The following OTUB2 variants were observed in gnomAD, a reference collection of about 807,000 sequenced individuals.
OTUB2 encodes OTU deubiquitinase, ubiquitin aldehyde binding 2, also known as ubiquitin thioesterase OTUB2.
A neutral mutation model predicts 25.1 loss-of-function variants in OTUB2; 21 were observed. The ratio of observed to expected loss-of-function variants is 0.84; its 90% CI spans 0.59 to 1.21. The LOEUF is 1.21. Among genes scored for constraint, OTUB2 ranks in the 50% most tolerant of loss-of-function variants. The pLI is 0.00. For synonymous variants in OTUB2, 122 were observed against 122.8 expected, an observed-to-expected ratio of 0.99 and a Z score of 0.04; for missense variants, 283 against 298.0, an observed-to-expected ratio of 0.95 and a Z score of 0.37.
Position 94,046,182 on chromosome 14 carries a change from G to C in OTUB2, c.*260G>C, listed in dbSNP as rs957509760. On this transcript the variant is annotated 3_prime_UTR_variant, in exon 6 of 6. Transcript: ENST00000203664. ...CACCCCAGTTCGCAGTGAGGCCCTG[G>C]GTGGGTCACCTGCCCTCTCTGGACT... The C allele has an allele frequency of 3.3e-5, 19 of 568,146 alleles. No homozygotes were observed. Among genetic ancestry groups the C allele is most frequent in the Non-Finnish European group, 5.6e-5 (18 of 318,622 alleles). 35.2% of individuals were successfully genotyped at this position (568,146 alleles called of 1,614,324 possible).
At chr14:94,038,634 G>A (rs1885103132) in intron 2 of OTUB2, among the ~76,000 whole-genome samples, 2 of 151,602 alleles carry the variant, frequency 1.3e-5, no homozygotes. Flanking sequence ...CCCCAGGAAG[G>A]CTTCCCCAAC....
chr14:94,039,136 C>CGA, intron 3 of OTUB2, 55 bp downstream of exon 3: 2 of 1,377,162 alleles, frequency 1.5e-6, no homozygotes, highest in Admixed American at 1.9e-5. Flanking sequence ...GCTAGGTCAG[C>CGA]CTCAAGTCTC....
rs559777809 is a variant in OTUB2 at position 94,031,727 on chromosome 14, G to A, written c.3+5187G>A. Among the ~76,000 whole-genome samples the A allele has an allele frequency of 6.6e-5, 10 of 152,304 alleles. No homozygotes were observed. The South Asian group carries it at 8.3e-4, about 13-fold the overall frequency. ...GGGTTACTGGGGAAAAGCAGTGATTGAAGAACATCCTTTTCTCACTTTGAA... is the reference window on the plus strand; with the variant it reads ...GGGTTACTGGGGAAAAGCAGTGATTAAAGAACATCCTTTTCTCACTTTGAA... On this transcript the variant is annotated intron_variant, in intron 1 of 5. Coordinates refer to ENST00000203664, the MANE Select transcript of OTUB2 (RefSeq NM_023112.4).
chr14:94,031,681 T>C (rs1012015), intron 1 of OTUB2, among the ~76,000 whole-genome samples: 78,102 of 152,062 alleles, frequency 0.51, 21,251 homozygotes, highest in African/African-American at 0.7. Context: ...CCCACGTCCT[T>C]GCGCTTTCTG....
At chr14:94,044,881 G>T in intron 5 of OTUB2, 101 bp downstream of exon 5, 1 of 1,228,226 alleles carries the variant, frequency 8.1e-7, no homozygotes, top group South Asian at 1.5e-5. Context: ...CGGGTGTCAC[G>T]ACTGCCCTTG....
intron 5 of OTUB2, among the ~76,000 whole-genome samples, 163 bp downstream of exon 5, chr14:94,044,943 G>A (rs1193549137): frequency 6.6e-6 from 1 of 152,212 alleles, no homozygotes; most frequent in Non-Finnish European, 1.5e-5. Context: ...CACCTGAGCT[G>A]CCTGAGCTGT....
At chr14:94,030,739 G>A (rs775557144) in intron 1 of OTUB2, among the ~76,000 whole-genome samples, 2 of 151,486 alleles carry the variant, frequency 1.3e-5, no homozygotes, top group African/African-American at 4.9e-5. Flanking sequence ...GTGGGATTCC[G>A]TTAAGGATAC....
chr14:94,027,442 C>A (rs553485754), intron 1 of OTUB2, among the ~76,000 whole-genome samples: 2 of 152,204 alleles, frequency 1.3e-5, no homozygotes, highest in African/African-American at 4.8e-5. Context: ...TGGCTTGAGT[C>A]GGGGCCACAC....
chr14:94,029,569 G>A (rs571192559), intron 1 of OTUB2, among the ~76,000 whole-genome samples: 1 of 152,240 alleles, frequency 6.6e-6, no homozygotes, highest in Admixed American at 6.5e-5. Context: ...TGAATTAGAG[G>A]CCCACCCTAC....
chr14:94,026,822 C>G lies in OTUB2; in HGVS notation c.3+282C>G, dbSNP rs563804796. ...CCCCAGGTGGCCCGGGGCGCCGCCT[C>G]GACGGCGCTGGGTGGGCGCCCTCGA... is the stretch of plus-strand genomic sequence containing the variant. On this transcript the variant is annotated intron_variant, in intron 1 of 5. Coordinates refer to ENST00000203664, the MANE Select transcript of OTUB2 (RefSeq NM_023112.4). Among the ~76,000 whole-genome samples the G allele has an allele frequency of 4.6e-5, 7 of 152,318 alleles. No individual in the cohort carries two copies. In the South Asian group the frequency reaches 1.2e-3, roughly 27 times the overall value.
Position 94,026,553 on chromosome 14 carries a change from G to A in OTUB2, c.3+13G>A. On this transcript the variant is annotated intron_variant, in intron 1 of 5. Coordinates refer to ENST00000203664, the MANE Select transcript of OTUB2 (RefSeq NM_023112.4). Reference sequence around the variant, plus strand: ...TCTGGTCACTATGGTCAGTGATCGTGGGGGATCGCGAAGGGGGAGCGGGCA... The same window carrying A: ...TCTGGTCACTATGGTCAGTGATCGTAGGGGATCGCGAAGGGGGAGCGGGCA... 1.6e-6 allele frequency: 2 copies of A among 1,244,366 alleles called. No individual in the cohort carries two copies. Among genetic ancestry groups the A allele is most frequent in the Non-Finnish European group, 2.0e-6 (2 of 990,056 alleles). The allele number at this position is 1,244,366 out of a possible 1,614,324, so 77.1% of individuals were successfully genotyped here. A position where few individuals can be genotyped will look rare whatever the true frequency, so the allele number is the denominator to read the frequency against.
intron 1 of OTUB2, among the ~76,000 whole-genome samples, chr14:94,035,998 C>T (rs1172781953): frequency 6.6e-6 from 1 of 152,152 alleles, no homozygotes; most frequent in Non-Finnish European, 1.5e-5. Flanking sequence ...GAGACAGAAG[C>T]AACAAAAGTC....
At chr14:94,038,870 G>A (rs1276015915) in intron 2 of OTUB2, 93 bp from the exon 3 acceptor site, 5 of 1,086,166 alleles carry the variant, frequency 4.6e-6, no homozygotes, top group Non-Finnish European at 7.1e-6. Flanking sequence ...ACATTTCCTG[G>A]GAGAGATGGG....
chr14:94,043,240 C>T (rs528664723), intron 3 of OTUB2, among the ~76,000 whole-genome samples: 23 of 152,334 alleles, frequency 1.5e-4, no homozygotes, highest in Non-Finnish European at 2.9e-4. Context: ...GCCTCATCTC[C>T]GTTCCCAGGC....
rs192632373 is a variant in OTUB2 at position 94,045,570 on chromosome 14, C to T, written c.499-146C>T. The stretch of plus-strand genomic sequence containing the variant: ...GGCTGTTTCCCGTGTGGCATGAGAA[C>T]GTCCATACCCAACTCATGGGATGTT... On this transcript the variant is annotated intron_variant, in intron 5 of 5. Coordinates refer to ENST00000203664, the MANE Select transcript of OTUB2 (RefSeq NM_023112.4). The T allele has an allele frequency of 2.7e-4, 193 of 722,634 alleles. 1 individual carries two copies. The African/African-American group carries it at 2.8e-3, about 10-fold the overall frequency. 44.8% of individuals were successfully genotyped at this position (722,634 alleles called of 1,614,324 possible).
At position 94,034,776 on chromosome 14, in the gene OTUB2, G is replaced by A. The variant is rs191807505; in HGVS notation, c.4-2604G>A. ...CTGTGGACATTGCATCTGCATTGAC[G>A]GTGGGAAGGAGTAGAACGTTCCATC... On this transcript the variant is annotated intron_variant, in intron 1 of 5. Transcript: ENST00000203664. 1.7e-3 allele frequency among the ~76,000 whole-genome samples: 265 copies of A among 152,268 alleles called. 1 individual carries two copies. The highest frequency in any genetic ancestry group is 3.1e-3 in the Non-Finnish European group (212 of 68,018).
intron 1 of OTUB2, among the ~76,000 whole-genome samples, chr14:94,036,346 A>G (rs576826237): frequency 6.6e-6 from 1 of 152,214 alleles, no homozygotes; most frequent in African/African-American, 2.4e-5. Flanking sequence ...ACAGTGCTCT[A>G]TTGCATAAAA....
intron 1 of OTUB2, among the ~76,000 whole-genome samples, chr14:94,031,952 A>C (rs1474773376): frequency 1.3e-5 from 2 of 152,186 alleles, no homozygotes; most frequent in Non-Finnish European, 2.9e-5. Flanking sequence ...ATGGTTTTAA[A>C]AGCAATCACG....
chr14:94,037,472 C>A lies in OTUB2; in HGVS notation c.96C>A (p.Ile32=). The A allele has an allele frequency of 1.9e-6, 3 of 1,586,514 alleles. No individual in the cohort carries two copies. Among genetic ancestry groups the A allele is most frequent in the South Asian group, 1.1e-5 (1 of 90,150 alleles). Reference sequence around the variant, plus strand: ...AAAACAGGATTTACCGGAGGAAAATCGAGGTGAGGCAGAGGGCAGGGAGAA... The same window carrying A: ...AAAACAGGATTTACCGGAGGAAAATAGAGGTGAGGCAGAGGGCAGGGAGAA... ...HPENRIYRRK[I]EELSKRFTAI... Residue 32 remains isoleucine (I), a synonymous_variant, in exon 2 of 6, where the codon ATC becomes ATA. Coordinates refer to ENST00000203664, the MANE Select transcript of OTUB2 (RefSeq NM_023112.4).
Sources: allele counts gnomAD v4.1 joint callset (sites outside exome capture counted in the v4.1 genomes callset), GRCh38; gene constraint gnomAD v4.1.1; transcripts MANE v1.5; gene names NCBI Gene and HGNC (gene_info 2026-07-23, HGNC 2026-07-21).